Variants in TARBP1 observed in about 807,000 individuals in gnomAD.
TARBP1 encodes tRNA (guanosine(18)-2'-O)-methyltransferase TARBP1.
A neutral mutation model predicts 178.6 loss-of-function variants in TARBP1; 144 were observed. That is an observed-to-expected ratio of 0.81 (90% CI 0.70 to 0.93). The LOEUF (loss-of-function observed/expected upper bound fraction) is 0.93, where lower values mean the gene tolerates loss of function less well. TARBP1 is among the 40% of genes least tolerant of loss of function. TARBP1 has a pLI of 0.00. For synonymous variants in TARBP1, 787 were observed against 781.0 expected, an observed-to-expected ratio of 1.01 and a Z score of -0.13; for missense variants, 2,067 against 2,011.7, an observed-to-expected ratio of 1.03 and a Z score of -0.53.
chr1:234,415,847 A>G (rs1662357812), intron 22 of TARBP1, among the ~76,000 whole-genome samples: 1 of 152,128 alleles, frequency 6.6e-6, no homozygotes, highest in South Asian at 2.1e-4. Context: ...TGTTCCTGCC[A>G]ATTTTCCAGT....
At chr1:234,444,979 G>GC (rs1378452563) in intron 12 of TARBP1, among the ~76,000 whole-genome samples, 2 of 151,934 alleles carry the variant, frequency 1.3e-5, no homozygotes, top group African/African-American at 4.8e-5. Flanking sequence ...ACCACCAACG[G>GC]CCCCATTTCT....
intron 21 of TARBP1, among the ~76,000 whole-genome samples, chr1:234,419,930 AAG>A (rs369754420): frequency 1.9e-4 from 29 of 152,234 alleles, no homozygotes; most frequent in African/African-American, 6.5e-4. Context: ...ATTGTAAAGA[AAG>A]AGGCTAGTAT....
At chr1:234,404,989 A>T (rs1399020379) in intron 24 of TARBP1, among the ~76,000 whole-genome samples, 1 of 152,188 alleles carries the variant, frequency 6.6e-6, no homozygotes, top group Admixed American at 6.5e-5. Context: ...CCAGCCCCAT[A>T]TGAAGCTACA....
Position 234,446,980 on chromosome 1 carries a change from A to C in TARBP1, c.1962-5T>G. On this transcript the variant is annotated splice_region_variant and splice_polypyrimidine_tract_variant and intron_variant, in intron 11 of 29. Coordinates refer to ENST00000040877, the MANE Select transcript of TARBP1 (RefSeq NM_005646.4). Reference sequence around the variant, plus strand: ...TTCTCTGTTCTCTGCTTTCCGCTAGACATTAAAAGACATGCCAAAATCAAC... The same window carrying C: ...TTCTCTGTTCTCTGCTTTCCGCTAGCCATTAAAAGACATGCCAAAATCAAC... 6.2e-7 allele frequency: 1 copy of C among 1,611,254 alleles called. No individual in the cohort carries two copies. Among genetic ancestry groups the C allele is most frequent in the Non-Finnish European group, 8.5e-7 (1 of 1,178,722 alleles).
chr1:234,402,301 A>C (rs1660753165), intron 24 of TARBP1, among the ~76,000 whole-genome samples: 1 of 152,196 alleles, frequency 6.6e-6, no homozygotes, highest in African/African-American at 2.4e-5. Flanking sequence ...AGTATCACTT[A>C]AAAACAACTA....
intron 9 of TARBP1, among the ~76,000 whole-genome samples, chr1:234,455,356 C>T (rs1349414626): frequency 6.6e-6 from 1 of 152,188 alleles, no homozygotes; most frequent in East Asian, 1.9e-4. Flanking sequence ...GCAGACTATT[C>T]ATTTATTGTG....
At chr1:234,441,559 T>C (rs1665598785) in intron 12 of TARBP1, among the ~76,000 whole-genome samples, 2 of 152,216 alleles carry the variant, frequency 1.3e-5, no homozygotes, top group African/African-American at 4.8e-5. Flanking sequence ...TGGGATAGAA[T>C]TCACAGAGCA....
intron 14 of TARBP1, 86 bp from the exon 15 acceptor site, chr1:234,430,387 A>C: frequency 1.2e-4 from 150 of 1,219,502 alleles, no homozygotes; most frequent in Middle Eastern, 3.9e-4. Context: ...TGGAAAGCTC[A>C]AGCTCTCCTT....
At chr1:234,456,464 G>C (rs944924217) in intron 9 of TARBP1, among the ~76,000 whole-genome samples, 2 of 152,330 alleles carry the variant, frequency 1.3e-5, no homozygotes, top group South Asian at 4.1e-4. Context: ...GCCTCCCAAA[G>C]TGCCACTGTG....
chr1:234,443,734 A>C (rs994230885), intron 12 of TARBP1, among the ~76,000 whole-genome samples: 2 of 152,260 alleles, frequency 1.3e-5, no homozygotes, highest in Admixed American at 1.3e-4. Flanking sequence ...TGGATAACCA[A>C]TTATAATCTA....
intron 12 of TARBP1, among the ~76,000 whole-genome samples, chr1:234,444,497 G>C (rs949552982): frequency 6.6e-6 from 1 of 152,160 alleles, no homozygotes; most frequent in African/African-American, 2.4e-5. Context: ...ATCACAGGCT[G>C]GAGGAAAACA....
intron 5 of TARBP1, among the ~76,000 whole-genome samples, chr1:234,465,041 C>T (rs888606849): frequency 4.6e-5 from 7 of 151,340 alleles, no homozygotes; most frequent in African/African-American, 1.5e-4. Context: ...TGTGAATTCA[C>T]GGTTCTTAAT....
intron 10 of TARBP1, among the ~76,000 whole-genome samples, chr1:234,449,747 G>A (rs1408104745): frequency 1.3e-5 from 2 of 152,210 alleles, no homozygotes; most frequent in African/African-American, 4.8e-5. Context: ...GACTTTGTGT[G>A]AGACAAAGCT....
At chr1:234,462,141 G>C (rs16843237) in intron 6 of TARBP1, among the ~76,000 whole-genome samples, 2,845 of 152,198 alleles carry the variant, frequency 0.019, 95 homozygotes, top group African/African-American at 0.065. Flanking sequence ...TTTGCCTAAC[G>C]CTTCACTCAT....
At position 234,478,395 on chromosome 1, in the gene TARBP1, CCAGGGCGCT is replaced by C; in HGVS notation, c.700_708del (p.Ser234_Leu236del). ...CCGGGCTCGGGCAACAGCTTCTCGG[CCAGGGCGCT>C]CAGGACCAGCAGCTTCTCCTCTACG... On this transcript the variant is annotated inframe_deletion, in exon 1 of 30. Transcript: ENST00000040877. 1 of 1,355,900 alleles carries C rather than the reference CCAGGGCGCT, an allele frequency of 7.4e-7. No homozygotes were observed. The highest frequency in any genetic ancestry group is 9.5e-7 in the Non-Finnish European group (1 of 1,049,614). The allele number at this position is 1,355,900 out of a possible 1,614,324, so 84.0% of individuals were successfully genotyped here. A position where few individuals can be genotyped will look rare whatever the true frequency, so the allele number is the denominator to read the frequency against.
chr1:234,462,475 G>A (rs1667953654), intron 6 of TARBP1, among the ~76,000 whole-genome samples: 1 of 152,108 alleles, frequency 6.6e-6, no homozygotes, highest in African/African-American at 2.4e-5. Context: ...CAGATCACGA[G>A]GTCAAAACAT....
intron 5 of TARBP1, among the ~76,000 whole-genome samples, chr1:234,464,429 C>T (rs952723954): frequency 1.3e-5 from 2 of 151,996 alleles, no homozygotes; most frequent in Non-Finnish European, 2.9e-5. Context: ...ATGCTTCTTC[C>T]AGGAACATTA....
At chr1:234,475,768 A>G (rs1309027732) in intron 1 of TARBP1, among the ~76,000 whole-genome samples, 1 of 152,222 alleles carries the variant, frequency 6.6e-6, no homozygotes, top group Non-Finnish European at 1.5e-5. Context: ...TGAGGGAGGG[A>G]CGAAGCCTTG....
chr1:234,448,453 T>C, intron 11 of TARBP1, 27 bp downstream of exon 11: 6 of 1,591,790 alleles, frequency 3.8e-6, no homozygotes, highest in Non-Finnish European at 5.2e-6. Flanking sequence ...TCAAATAGGC[T>C]TTCTTTTCAA....
Sources: gnomAD v4.1 joint callset for allele counts (sites outside exome capture counted in the v4.1 genomes callset) on GRCh38, gnomAD v4.1.1 for gene constraint, MANE v1.5 for transcripts, NCBI Gene and HGNC (gene_info 2026-07-23, HGNC 2026-07-21) for gene names.